UGT1A6: variants seen among roughly 807,000 people sequenced by gnomAD.
The protein encoded by UGT1A6 is UDP-glucuronosyltransferase 1A6.
A neutral mutation model predicts 44.4 loss-of-function variants in UGT1A6; 32 were observed. That is an observed-to-expected ratio of 0.72 (90% confidence interval 0.54 to 0.97). UGT1A6 has a LOEUF of 0.97. UGT1A6 is among the 50% of genes least tolerant of loss of function. The pLI, the probability that UGT1A6 is intolerant of heterozygous loss-of-function variation, is 0.00. For synonymous variants in UGT1A6, 238 were observed against 248.5 expected, an observed-to-expected ratio of 0.96 and a Z score of 0.40; for missense variants, 685 against 661.9, an observed-to-expected ratio of 1.03 and a Z score of -0.38.
At position 233,693,391 on chromosome 2, in the gene UGT1A6, C is replaced by T; in HGVS notation, c.387C>T (p.Leu129=). The part of the protein sequence containing the change: ...IGLYFINCQS[L]LQDRDTLNFF... ...TGTACTTCATCAACTGCCAGAGCCT[C>T]CTGCAGGACAGGGACACCCTGAACT... is the stretch of plus-strand genomic sequence containing the variant. Residue 129 remains leucine, a synonymous_variant, in exon 1 of 5, where the codon CTC becomes CTT. Coordinates refer to ENST00000305139, the MANE Select transcript of UGT1A6 (RefSeq NM_001072.4). 6.2e-7 allele frequency: 1 copy of T among 1,614,172 alleles called. No individual in the cohort carries two copies. Among genetic ancestry groups the T allele is most frequent in the Non-Finnish European group, 8.5e-7 (1 of 1,180,036 alleles).
intron 1 of UGT1A6, chr2:233,756,022 T>C (rs1696092015): frequency 6.6e-6 from 1 of 152,142 alleles, no homozygotes; most frequent in Non-Finnish European, 1.5e-5. Context: ...ATATTACACA[T>C]CCCCCATGTA....
chr2:233,697,939 AG>A (rs1460497490), intron 1 of UGT1A6, among the ~76,000 whole-genome samples: 1 of 152,252 alleles, frequency 6.6e-6, no homozygotes, highest in Non-Finnish European at 1.5e-5. Flanking sequence ...ATTGGAAAAA[AG>A]TAAATGAAAG....
At chr2:233,768,145 T>C in intron 3 of UGT1A6, 75 bp from the exon 4 acceptor site, 1 of 1,611,332 alleles carries the variant, frequency 6.2e-7, no homozygotes, top group Non-Finnish European at 8.5e-7. Flanking sequence ...TTTGGAGTGT[T>C]TTCAGAACCT....
chr2:233,728,931 T>C (rs569892277), intron 1 of UGT1A6, among the ~76,000 whole-genome samples: 4,920 of 152,288 alleles, frequency 0.032, 257 homozygotes, highest in African/African-American at 0.11. Flanking sequence ...TCATGATCGG[T>C]CTTTTCCAGG....
In UGT1A6 at chr2:233,772,133, A is replaced by G. The variant is rs1203476934; in HGVS notation, c.1302-129A>G. ...GTATCTAAAAACAACAACAACAACA[A>G]TAATAGAAACAGGTTTCCTTTCCCA... On this transcript the variant is annotated intron_variant, in intron 4 of 4. Coordinates refer to ENST00000305139, the MANE Select transcript of UGT1A6 (RefSeq NM_001072.4). 1.9e-6 allele frequency: 3 copies of G among 1,545,744 alleles called. No homozygotes were observed. In the East Asian group the frequency reaches 7.3e-5, roughly 38 times the overall value.
intron 1 of UGT1A6, chr2:233,741,673 T>C (rs1691737205): frequency 6.6e-6 from 1 of 151,938 alleles, no homozygotes; most frequent in Non-Finnish European, 1.5e-5. Context: ...TGCTGTTTAT[T>C]GCTTGGGTGC....
chr2:233,734,491 GT>G (rs528831440), intron 1 of UGT1A6, among the ~76,000 whole-genome samples: 1 of 151,904 alleles, frequency 6.6e-6, no homozygotes, highest in Non-Finnish European at 1.5e-5. Context: ...TTTTTTGAAG[GT>G]TTTTTTGTGT....
At chr2:233,745,702 A>T (rs1693179488) in intron 1 of UGT1A6, among the ~76,000 whole-genome samples, 1 of 150,000 alleles carries the variant, frequency 6.7e-6, no homozygotes, top group East Asian at 2.0e-4. Flanking sequence ...GAGAACAACA[A>T]GTGATCCAGA....
At chr2:233,753,670 G>T (rs1438239507) in intron 1 of UGT1A6, 3 of 152,198 alleles carry the variant, frequency 2.0e-5, no homozygotes, top group Admixed American at 6.5e-5. Flanking sequence ...TGTGTATGGT[G>T]CCTCACCCAA....
intron 1 of UGT1A6, among the ~76,000 whole-genome samples, chr2:233,742,513 G>C (rs934347498): frequency 6.6e-6 from 1 of 151,822 alleles, no homozygotes; most frequent in Non-Finnish European, 1.5e-5. Context: ...TCATGAACAC[G>C]TCACAGTGCT....
intron 1 of UGT1A6, among the ~76,000 whole-genome samples, chr2:233,720,647 A>G (rs1240527051): frequency 6.6e-6 from 1 of 152,088 alleles, no homozygotes; most frequent in African/African-American, 2.4e-5. Flanking sequence ...CTGGGATGTG[A>G]AAAACCAAAT....
chr2:233,743,649 C>T (rs754713764), intron 1 of UGT1A6: 21 of 1,367,286 alleles, frequency 1.5e-5, no homozygotes, highest in Non-Finnish European at 1.9e-5. Context: ...AAGCTGAAGA[C>T]GTACTCGAAG....
chr2:233,760,162 T>C (rs967006180), intron 1 of UGT1A6: 7 of 1,514,606 alleles, frequency 4.6e-6, no homozygotes, highest in Admixed American at 4.0e-5. Flanking sequence ...CTGCTACCTT[T>C]GTGGACTGAC....
chr2:233,695,453 G>A (rs1052369208), intron 1 of UGT1A6, among the ~76,000 whole-genome samples: 2 of 151,290 alleles, frequency 1.3e-5, no homozygotes, highest in African/African-American at 2.4e-5. Context: ...TTTGATCAAC[G>A]TGCTTTATTG....
intron 1 of UGT1A6, among the ~76,000 whole-genome samples, chr2:233,712,623 C>T (rs5020121): frequency 0.1 from 15,461 of 152,214 alleles, 906 homozygotes; most frequent in East Asian, 0.2. Flanking sequence ...GGTGACTCCT[C>T]AGACCTCAGC....
At chr2:233,739,887 A>G (rs1419215414) in intron 1 of UGT1A6, among the ~76,000 whole-genome samples, 1 of 151,912 alleles carries the variant, frequency 6.6e-6, no homozygotes, top group African/African-American at 2.4e-5. Context: ...GTGTGTTTCC[A>G]CCCAAATCTC....
At chr2:233,719,039 A>G in intron 1 of UGT1A6, 1 of 1,614,110 alleles carries the variant, frequency 6.2e-7, no homozygotes, top group Non-Finnish European at 8.5e-7. Context: ...AAGAAGAGAA[A>G]TTTTTCACCC....
At chr2:233,768,197 A>G in intron 3 of UGT1A6, 23 bp from the exon 4 acceptor site, 3 of 1,614,174 alleles carry the variant, frequency 1.9e-6, no homozygotes, top group Non-Finnish European at 2.5e-6. Context: ...AACTGCTGAC[A>G]TCCTCCCTAT....
At chr2:233,730,120 A>G in intron 1 of UGT1A6, 3 of 1,552,984 alleles carry the variant, frequency 1.9e-6, no homozygotes, top group Non-Finnish European at 1.7e-6. Context: ...TCTCCTTGTC[A>G]TAATAGCCTT....
Sources: allele counts gnomAD v4.1 joint callset (sites outside exome capture counted in the v4.1 genomes callset), GRCh38; gene constraint gnomAD v4.1.1; transcripts MANE v1.5; gene names NCBI Gene and HGNC (gene_info 2026-07-23, HGNC 2026-07-21).